SETD3: variants seen among roughly 807,000 people sequenced by gnomAD.
SETD3 encodes SET domain containing 3, actin N3(tau)-histidine methyltransferase.
SETD3 carries 19 observed loss-of-function variants against 63.0 expected under a neutral mutation model. The ratio of observed to expected loss-of-function variants is 0.30; its 90% confidence interval spans 0.21 to 0.44. The LOEUF (loss-of-function observed/expected upper bound fraction) is 0.44, where lower values mean the gene tolerates loss of function less well. Among genes scored for constraint, SETD3 ranks in the 20% least tolerant of loss-of-function variants. The pLI, the probability that SETD3 is intolerant of heterozygous loss-of-function variation, is 1.00. For synonymous variants in SETD3, 286 were observed against 264.1 expected, an observed-to-expected ratio of 1.08 and a Z score of -0.80; for missense variants, 587 against 728.5, an observed-to-expected ratio of 0.81 and a Z score of 2.24.
chr14:99,471,246 G>A (rs1895687353), intron 1 of SETD3, among the ~76,000 whole-genome samples: 1 of 152,142 alleles, frequency 6.6e-6, no homozygotes, highest in Non-Finnish European at 1.5e-5. Flanking sequence ...GAAAATCTTT[G>A]GATAGTATAT....
At chr14:99,442,693 T>C (rs1012157628) in intron 6 of SETD3, among the ~76,000 whole-genome samples, 1 of 152,260 alleles carries the variant, frequency 6.6e-6, no homozygotes, top group African/African-American at 2.4e-5. Flanking sequence ...CAGTATGTAA[T>C]ACATTTAGCA....
chr14:99,424,768 G>C (rs1892789093), intron 6 of SETD3, among the ~76,000 whole-genome samples: 1 of 152,084 alleles, frequency 6.6e-6, no homozygotes, highest in African/African-American at 2.4e-5. Flanking sequence ...TTTCTCAGCA[G>C]TGCAGGGATG....
At chr14:99,469,854 G>A (rs144979930) in intron 1 of SETD3, among the ~76,000 whole-genome samples, 1 of 152,356 alleles carries the variant, frequency 6.6e-6, no homozygotes, top group Non-Finnish European at 1.5e-5. Flanking sequence ...GTCCTTGCCA[G>A]CAGTCCTGAC....
chr14:99,449,425 A>G (rs1278584634), intron 6 of SETD3, among the ~76,000 whole-genome samples: 2 of 152,270 alleles, frequency 1.3e-5, no homozygotes, highest in Non-Finnish European at 2.9e-5. Context: ...TGATTCATGT[A>G]TTCCCTGAGA....
rs971972080 is a variant in SETD3, at chr14:99,406,607, G to A, written c.850-17C>T. On this transcript the variant is annotated splice_polypyrimidine_tract_variant and intron_variant, in intron 8 of 12. Coordinates refer to ENST00000331768, the MANE Select transcript of SETD3 (RefSeq NM_032233.3). ...AGTAGTGATCTAGCCCGGGGAGGAG[G>A]AAGGAAATGATGGTGAGGCAAACAC... 1 of 1,612,034 alleles carries A rather than the reference G, an allele frequency of 6.2e-7. No individual in the cohort carries two copies. Among genetic ancestry groups the A allele is most frequent in the East Asian group, 2.2e-5 (1 of 44,884 alleles).
intron 6 of SETD3, among the ~76,000 whole-genome samples, chr14:99,438,235 G>C (rs1448489070): frequency 6.6e-6 from 1 of 152,132 alleles, no homozygotes; most frequent in African/African-American, 2.4e-5. Context: ...GTGTCACTAC[G>C]GTTAAGGTTG....
chr14:99,485,338 C>T (rs1346625297), upstream of SETD3, among the ~76,000 whole-genome samples: 1 of 152,172 alleles, frequency 6.6e-6, no homozygotes, highest in Non-Finnish European at 1.5e-5. Flanking sequence ...TGCCCCTTTC[C>T]CCTCAACAGA....
upstream of SETD3, among the ~76,000 whole-genome samples, chr14:99,481,790 T>A (rs1595299176): frequency 6.6e-6 from 1 of 152,194 alleles, no homozygotes; most frequent in Non-Finnish European, 1.5e-5. Context: ...GGGGCAGCGG[T>A]GTTAACCGCG....
rs558300652 is a variant in SETD3, at chr14:99,398,625, G to A, written c.*54C>T. The A allele has an allele frequency of 8.0e-6, 12 of 1,494,142 alleles. No individual in the cohort carries two copies. The Admixed American group carries it at 8.8e-5, about 11-fold the overall frequency. The allele number at this position is 1,494,142 out of a possible 1,614,324, so 92.6% of individuals were successfully genotyped here. On this transcript the variant is annotated 3_prime_UTR_variant, in exon 13 of 13. Coordinates refer to ENST00000331768, the MANE Select transcript of SETD3 (RefSeq NM_032233.3). ...AACAAGGAAACACAGCGATGTGAAC[G>A]GACTGTCCGTCAACTCCTGCTCCAC...
At chr14:99,480,066 C>A (rs1216829027) in intron 1 of SETD3, among the ~76,000 whole-genome samples, 2 of 151,798 alleles carry the variant, frequency 1.3e-5, no homozygotes, top group Admixed American at 1.3e-4. Context: ...TAGGGCACTG[C>A]GCGTGTGGAG....
intron 6 of SETD3, among the ~76,000 whole-genome samples, chr14:99,446,582 T>C (rs1003678699): frequency 2.6e-5 from 4 of 152,228 alleles, no homozygotes; most frequent in African/African-American, 9.6e-5. Flanking sequence ...TCTACTCCCA[T>C]GCAAACACCT....
At chr14:99,450,123 T>C (rs1894373921) in intron 6 of SETD3, among the ~76,000 whole-genome samples, 1 of 152,204 alleles carries the variant, frequency 6.6e-6, no homozygotes, top group Non-Finnish European at 1.5e-5. Context: ...TATGTGTATT[T>C]TCCCTTACAG....
At chr14:99,471,734 T>C (rs1003679481) in intron 1 of SETD3, among the ~76,000 whole-genome samples, 4 of 152,228 alleles carry the variant, frequency 2.6e-5, no homozygotes, top group South Asian at 2.1e-4. Flanking sequence ...AGAGAGACTC[T>C]GAAAAACACA....
intron 6 of SETD3, among the ~76,000 whole-genome samples, chr14:99,422,372 C>G (rs1892638136): frequency 6.6e-6 from 1 of 152,214 alleles, no homozygotes; most frequent in East Asian, 1.9e-4. Context: ...ACCACTATAT[C>G]AAGTTATTAT....
intron 6 of SETD3, among the ~76,000 whole-genome samples, chr14:99,432,036 C>T (rs192793751): frequency 1.3e-5 from 2 of 152,248 alleles, no homozygotes; most frequent in Admixed American, 6.5e-5. Flanking sequence ...TCAAGAACAC[C>T]TCTTCTGAAA....
chr14:99,480,420 G>A (rs1353391754), intron 1 of SETD3, among the ~76,000 whole-genome samples: 1 of 151,750 alleles, frequency 6.6e-6, no homozygotes, highest in Non-Finnish European at 1.5e-5. Context: ...CGCGGGGCCC[G>A]GGAGCGTGGG....
intron 6 of SETD3, among the ~76,000 whole-genome samples, chr14:99,438,002 C>A (rs1050021502): frequency 6.6e-6 from 1 of 152,176 alleles, no homozygotes; most frequent in Admixed American, 6.5e-5. Context: ...AAAGACCACA[C>A]AAGAACAAGG....
At chr14:99,417,497 G>T (rs1198003743) in intron 6 of SETD3, among the ~76,000 whole-genome samples, 1 of 152,226 alleles carries the variant, frequency 6.6e-6, no homozygotes, top group Non-Finnish European at 1.5e-5. Flanking sequence ...TATAAAAGAA[G>T]ATGGCTGCTG....
chr14:99,420,976 G>C (rs1327234205), intron 6 of SETD3, among the ~76,000 whole-genome samples: 14 of 47,490 alleles, frequency 2.9e-4, no homozygotes, highest in African/African-American at 1.2e-3. Flanking sequence ...GGGGGGGGGG[G>C]TGGGAGGTGC....
Sources: gnomAD v4.1 joint callset for allele counts (sites outside exome capture counted in the v4.1 genomes callset) on GRCh38, gnomAD v4.1.1 for gene constraint, MANE v1.5 for transcripts, NCBI Gene and HGNC (gene_info 2026-07-23, HGNC 2026-07-21) for gene names.